MYO6: variants seen among roughly 807,000 people sequenced by gnomAD.
MYO6 encodes the protein myosin VI, also known as unconventional myosin-VI.
In MYO6, 74 loss-of-function variants were observed where a neutral mutation model predicts 178.7. That is an observed-to-expected ratio of 0.41 (90% confidence interval 0.34 to 0.50). The LOEUF is 0.50. Ranked by LOEUF, MYO6 falls within the 20% of genes least tolerant of loss-of-function variation. The pLI is 0.09. For synonymous variants in MYO6, 477 were observed against 504.6 expected (o/e 0.95, Z 0.73); for missense variants, 1,330 against 1,547.4 (o/e 0.86, Z 2.36).
rs1472578581 is a variant in MYO6 at position 75,918,262 on chromosome 6, G to A, written c.*3250G>A. ...GAAGATAAACTAACAAGGATGGAAGGGGAGGGCAAAGGATATCTAAACATG... is the reference window on the plus strand; with the variant it reads ...GAAGATAAACTAACAAGGATGGAAGAGGAGGGCAAAGGATATCTAAACATG... On this transcript the variant is annotated 3_prime_UTR_variant, in exon 35 of 35. Transcript: ENST00000369977. 1 of 152,072 alleles carries A rather than the reference G, an allele frequency of 6.6e-6. No individual in the cohort carries two copies. The highest frequency in any genetic ancestry group is 1.9e-4 in the East Asian group (1 of 5,190). 9.4% of individuals were successfully genotyped at this position (152,072 alleles called of 1,614,324 possible).
intron 1 of MYO6, among the ~76,000 whole-genome samples, chr6:75,780,264 A>C (rs2150049341): frequency 6.6e-6 from 1 of 152,238 alleles, no homozygotes; most frequent in African/African-American, 2.4e-5. Context: ...AACATGGCAA[A>C]ACCCTGTCTC....
intron 9 of MYO6, 144 bp downstream of exon 9, chr6:75,841,522 C>A: frequency 3.0e-6 from 2 of 676,642 alleles, no homozygotes; most frequent in East Asian, 2.9e-5. Flanking sequence ...GACCCTGTCT[C>A]TAAAAAAAAA....
At chr6:75,887,964 G>A (rs1471981055) in intron 25 of MYO6, among the ~76,000 whole-genome samples, 5 of 150,240 alleles carry the variant, frequency 3.3e-5, no homozygotes, top group African/African-American at 1.2e-4. Flanking sequence ...GGGTGACAGA[G>A]CAAGACTCCG....
chr6:75,792,052 A>G (rs1225179555), intron 1 of MYO6, among the ~76,000 whole-genome samples: 1 of 152,210 alleles, frequency 6.6e-6, no homozygotes, highest in African/African-American at 2.4e-5. Context: ...GTGCTCTGTT[A>G]TGTGGCTATG....
intron 26 of MYO6, 121 bp downstream of exon 26, chr6:75,890,386 G>T: frequency 1.4e-6 from 2 of 1,403,306 alleles, no homozygotes; most frequent in Non-Finnish European, 2.0e-6. Context: ...TTGCTCTGTT[G>T]CCCAGGCTGG....
chr6:75,913,952 T>TAA, intron 33 of MYO6, 111 bp from the exon 34 acceptor site: 2 of 820,604 alleles, frequency 2.4e-6, no homozygotes, highest in South Asian at 1.7e-5. Context: ...TTAAATTTAC[T>TAA]ATTAGGGACC....
intron 1 of MYO6, among the ~76,000 whole-genome samples, chr6:75,804,940 TATATACAC>T (rs1209391696): frequency 9.6e-5 from 14 of 146,170 alleles, no homozygotes; most frequent in African/African-American, 3.0e-4. Flanking sequence ...CATATATACA[TATATACAC>T]ATATGTACAC....
intron 1 of MYO6, among the ~76,000 whole-genome samples, chr6:75,809,900 T>TAA (rs1178309622): frequency 3.2e-4 from 26 of 80,220 alleles, no homozygotes; most frequent in Admixed American, 9.6e-4. Context: ...TTGTCTCTGC[T>TAA]AAAAAAAAAA....
Position 75,880,248 on chromosome 6 carries a change from C to T in MYO6, c.2286+128C>T, listed in dbSNP as rs796153671. On this transcript the variant is annotated intron_variant, in intron 22 of 34. Coordinates refer to ENST00000369977, the MANE Select transcript of MYO6 (RefSeq NM_004999.4). Reference sequence around the variant, plus strand: ...ATATGGTCACTAACAACATGAATTGCTATTTTCCATACCATTTCTCAGAAA... The same window carrying T: ...ATATGGTCACTAACAACATGAATTGTTATTTTCCATACCATTTCTCAGAAA... The T allele has an allele frequency of 3.8e-5, 28 of 732,598 alleles. No individual in the cohort carries two copies. The African/African-American group carries it at 3.9e-4, about 10-fold the overall frequency. 45.4% of individuals were successfully genotyped at this position (732,598 alleles called of 1,614,324 possible).
At position 75,867,067 on chromosome 6, in the gene MYO6, G is replaced by A; in HGVS notation, c.1906G>A (p.Gly636Arg). ...NNNKDTKQKAGKLSFISVGNK... is the reference protein window; with the variant it reads ...NNNKDTKQKARKLSFISVGNK... ...CAACAAAGATACTAAACAAAAAGCA[G>A]GAAAACTTAGCTTCATCAGCGTGGG... The change falls in exon 18 of 35, where the codon GGA becomes AGA. Residue 636 changes from glycine (G) to arginine (R), a missense_variant. Gly to Arg is a moderately radical substitution (Grantham distance 125). Around this residue, in one of 3 missense-constraint regions of MYO6, gnomAD observed 613 missense variants for 816.8 expected, o/e 0.75. Transcript: ENST00000369977. 6.2e-7 allele frequency: 1 copy of A among 1,613,640 alleles called. No individual in the cohort carries two copies. The highest frequency in any genetic ancestry group is 8.5e-7 in the Non-Finnish European group (1 of 1,179,852).
chr6:75,778,872 A>G (rs1167559203), intron 1 of MYO6, among the ~76,000 whole-genome samples: 2 of 151,822 alleles, frequency 1.3e-5, no homozygotes, highest in Admixed American at 1.3e-4. Context: ...TCTGGGCAAC[A>G]TAAATCCTAT....
intron 7 of MYO6, among the ~76,000 whole-genome samples, chr6:75,839,522 T>C (rs1290497490): frequency 6.6e-6 from 1 of 152,052 alleles, no homozygotes; most frequent in Non-Finnish European, 1.5e-5. Context: ...ACATGCTTCA[T>C]AAAAAAAATT....
At chr6:75,841,163 T>C (rs1301615863) in intron 8 of MYO6, 51 bp from the exon 9 acceptor site, 1 of 1,533,802 alleles carries the variant, frequency 6.5e-7, no homozygotes, top group South Asian at 1.1e-5. Context: ...GTTAATTATA[T>C]TTTAAGACTT....
intron 1 of MYO6, among the ~76,000 whole-genome samples, chr6:75,762,744 C>A (rs1042717035): frequency 3.3e-5 from 5 of 152,208 alleles, no homozygotes. Flanking sequence ...AAATCTAAGC[C>A]ATTGTCTGCA....
At chr6:75,830,169 T>C (rs1312649906) in intron 4 of MYO6, among the ~76,000 whole-genome samples, 2 of 152,142 alleles carry the variant, frequency 1.3e-5, no homozygotes, top group Non-Finnish European at 2.9e-5. Flanking sequence ...AGAGATAATC[T>C]TGAGTTTGGA....
intron 20 of MYO6, among the ~76,000 whole-genome samples, chr6:75,876,047 A>G (rs779507856): frequency 2.0e-5 from 3 of 151,980 alleles, no homozygotes; most frequent in Non-Finnish European, 2.9e-5. Flanking sequence ...TAAATGCTGC[A>G]TATTTCCTCC....
At position 75,758,040 on chromosome 6, in the gene MYO6, C is replaced by T. The variant is rs934185414; in HGVS notation, c.-48+8617C>T. ...TTGCCCAGGCTGGAGTGCAGTAGCG[C>T]GATCTTGGCTCACCACACCTTCTGC... On this transcript the variant is annotated intron_variant, in intron 1 of 34. Transcript: ENST00000369977. Among the ~76,000 whole-genome samples, 6 of 134,132 alleles carry T rather than the reference C, an allele frequency of 4.5e-5. No homozygotes were observed. The East Asian group carries it at 6.6e-4, about 15-fold the overall frequency. The allele number at this position is 134,132 out of a possible 152,430, so 88.0% of individuals were successfully genotyped here. A position where few individuals can be genotyped will look rare whatever the true frequency, so the allele number is the denominator to read the frequency against.
At chr6:75,859,666 TC>T (rs1403752561) in intron 14 of MYO6, among the ~76,000 whole-genome samples, 2 of 120,484 alleles carry the variant, frequency 1.7e-5, no homozygotes, top group African/African-American at 2.8e-5. Context: ...CATCTCCCAC[TC>T]TTTTTTTTTT....
chr6:75,818,644 C>A (rs138799875), intron 2 of MYO6, among the ~76,000 whole-genome samples: 7 of 152,210 alleles, frequency 4.6e-5, no homozygotes, highest in African/African-American at 1.7e-4. Context: ...GACTACCATC[C>A]TTCTGGGAAC....
Sources: gnomAD v4.1 joint callset for allele counts (sites outside exome capture counted in the v4.1 genomes callset) on GRCh38, gnomAD v4.1.1 for gene constraint, gnomAD v4.1.1 regional missense constraint, MANE v1.5 for transcripts, NCBI Gene and HGNC (gene_info 2026-07-23, HGNC 2026-07-21) for gene names.